C2orf76: variants seen among roughly 807,000 people sequenced by gnomAD.
The protein encoded by C2orf76 is chromosome 2 open reading frame 76.
A neutral mutation model predicts 16.9 loss-of-function variants in C2orf76; 23 were observed. The observed-to-expected ratio is 1.36, with a 90% CI of 0.98 to 1.93. C2orf76 has a LOEUF of 1.93. Ranked by LOEUF, C2orf76 falls within the 30% of genes most tolerant of loss-of-function variation. The pLI is 0.00. For missense variants in C2orf76, 152 were observed against 152.6 expected (o/e 1.00, Z 0.02); for synonymous variants, 48 against 52.3 (o/e 0.92, Z 0.35).
At chr2:119,319,021 A>G (rs796627665) in intron 3 of C2orf76, among the ~76,000 whole-genome samples, 2 of 152,152 alleles carry the variant, frequency 1.3e-5, no homozygotes, top group African/African-American at 4.8e-5. Flanking sequence ...ATTACCTATC[A>G]TGTCCTTTTT....
At chr2:119,295,921 T>C in the C2orf76 span, among the ~76,000 whole-genome samples, 354 of 152,280 alleles carry the variant, frequency 2.3e-3, 3 homozygotes, top group African/African-American at 8.2e-3. Flanking sequence ...CCTGTATGTT[T>C]AAGTCATGAC....
At chr2:119,351,951 G>T (rs1224688628) in intron 1 of C2orf76, among the ~76,000 whole-genome samples, 3 of 152,184 alleles carry the variant, frequency 2.0e-5, no homozygotes, top group Admixed American at 6.5e-5. Flanking sequence ...AATTAGGATT[G>T]ACTGTACTAC....
At chr2:119,289,483 C>G in the C2orf76 span, among the ~76,000 whole-genome samples, 3 of 151,740 alleles carry the variant, frequency 2.0e-5, no homozygotes, top group African/African-American at 7.3e-5. Context: ...GTCAAGTGAT[C>G]GAGACCATCC....
chr2:119,311,510 G>C (rs1573624823), intron 5 of C2orf76, 112 bp downstream of exon 5: 8 of 1,467,020 alleles, frequency 5.5e-6, no homozygotes, highest in South Asian at 1.4e-5. Context: ...GCAGTGTCAG[G>C]GGGACCAAGG....
chr2:119,337,472 A>C (rs1679887277), intron 2 of C2orf76, among the ~76,000 whole-genome samples: 1 of 152,126 alleles, frequency 6.6e-6, no homozygotes, highest in Non-Finnish European at 1.5e-5. Flanking sequence ...ATCTAGGTAA[A>C]ATTCTTAGTA....
At chr2:119,335,497 G>A (rs1679820023) in intron 2 of C2orf76, among the ~76,000 whole-genome samples, 1 of 152,204 alleles carries the variant, frequency 6.6e-6, no homozygotes, top group African/African-American at 2.4e-5. Flanking sequence ...AGCACAGAAG[G>A]CAATTGAAAG....
upstream of C2orf76, chr2:119,366,850 CG>C (rs1681030844): frequency 1.5e-6 from 1 of 670,074 alleles, no homozygotes; most frequent in African/African-American, 1.9e-5. Flanking sequence ...CACGTGGGCT[CG>C]GGCGGGGCTA....
chr2:119,355,996 C>T (rs547983218), intron 1 of C2orf76, among the ~76,000 whole-genome samples: 1 of 152,266 alleles, frequency 6.6e-6, no homozygotes, highest in South Asian at 2.1e-4. Flanking sequence ...GTTCTCTGAC[C>T]ACAGTGGAAT....
At chr2:119,309,738 T>C (rs1678921785) in intron 5 of C2orf76, among the ~76,000 whole-genome samples, 1 of 152,234 alleles carries the variant, frequency 6.6e-6, no homozygotes, top group Admixed American at 6.5e-5. Flanking sequence ...AATAACTTTT[T>C]ATCTGTTGTA....
intron 2 of C2orf76, among the ~76,000 whole-genome samples, chr2:119,337,969 A>G (rs1679904497): frequency 6.6e-6 from 1 of 152,222 alleles, no homozygotes; most frequent in Non-Finnish European, 1.5e-5. Context: ...TCTGTACTGT[A>G]CAAAGAACAT....
intron 1 of C2orf76, among the ~76,000 whole-genome samples, chr2:119,361,485 A>G (rs886246644): frequency 1.5e-4 from 23 of 152,306 alleles, no homozygotes; most frequent in African/African-American, 4.8e-4. Context: ...AAAAATACGG[A>G]TACACACACA....
intron 1 of C2orf76, among the ~76,000 whole-genome samples, chr2:119,346,138 A>G (rs1466491696): frequency 6.6e-6 from 1 of 152,172 alleles, no homozygotes; most frequent in Non-Finnish European, 1.5e-5. Flanking sequence ...AAACACAGCA[A>G]TAGCCCCAAA....
upstream of C2orf76, chr2:119,367,075 C>T: frequency 2.5e-6 from 4 of 1,613,944 alleles, no homozygotes; most frequent in Non-Finnish European, 3.4e-6. Flanking sequence ...AGCGCGTGCA[C>T]AGCCAGGCTG....
intron 1 of C2orf76, among the ~76,000 whole-genome samples, chr2:119,341,595 C>T: frequency 6.6e-6 from 1 of 152,098 alleles, no homozygotes; most frequent in East Asian, 1.9e-4. Context: ...CTCACATTCA[C>T]TTTCTGAAGT....
chr2:119,326,981 G>A (rs1462557143), intron 2 of C2orf76, among the ~76,000 whole-genome samples: 2 of 152,108 alleles, frequency 1.3e-5, no homozygotes, highest in African/African-American at 2.4e-5. Context: ...TTTCTGCATA[G>A]ATAATCATAT....
At chr2:119,351,405 C>T (rs1432099885) in intron 1 of C2orf76, among the ~76,000 whole-genome samples, 1 of 152,032 alleles carries the variant, frequency 6.6e-6, no homozygotes, top group Non-Finnish European at 1.5e-5. Context: ...AAAAACATGG[C>T]AATAAATAGT....
chr2:119,366,727 T>G (rs1681020535), intron 1 of C2orf76, 63 bp downstream of exon 1: 1 of 514,886 alleles, frequency 1.9e-6, no homozygotes, highest in African/African-American at 1.9e-5. Context: ...GGGCCAGGAC[T>G]GAACCCAACT....
chr2:119,310,992 C>A (rs1678966529), intron 5 of C2orf76, among the ~76,000 whole-genome samples: 1 of 152,240 alleles, frequency 6.6e-6, no homozygotes, highest in South Asian at 2.1e-4. Context: ...ACCTCCCTGA[C>A]AATCTCCACT....
At chr2:119,302,897 T>C (rs868734810) in intron 5 of C2orf76, among the ~76,000 whole-genome samples, 42 of 152,266 alleles carry the variant, frequency 2.8e-4, no homozygotes, top group Middle Eastern at 3.4e-3. Flanking sequence ...AAAACCTTGA[T>C]TTTTTTCTCA....
Sources: allele counts gnomAD v4.1 joint callset (sites outside exome capture counted in the v4.1 genomes callset), GRCh38; gene constraint gnomAD v4.1.1; transcripts MANE v1.5; gene names NCBI Gene and HGNC (gene_info 2026-07-23, HGNC 2026-07-21).